MGAT4C: variants seen among roughly 807,000 people sequenced by gnomAD.
MGAT4C encodes the protein MGAT4 family member C, also known as alpha-1,3-mannosyl-glycoprotein 4-beta-N-acetylglucosaminyltransferase C.
In MGAT4C, 19 loss-of-function variants were observed where a neutral mutation model predicts 40.1. The observed-to-expected ratio is 0.47, with a 90% CI of 0.33 to 0.70. MGAT4C has a LOEUF of 0.70. MGAT4C is among the 30% of genes least tolerant of loss of function. MGAT4C has a pLI of 0.02. For synonymous variants in MGAT4C, 181 were observed against 187.1 expected, an observed-to-expected ratio of 0.97 and a Z score of 0.27; for missense variants, 491 against 563.2, an observed-to-expected ratio of 0.87 and a Z score of 1.30.
intron 4 of MGAT4C, among the ~76,000 whole-genome samples, chr12:86,281,469 A>C (rs1953217859): frequency 6.7e-6 from 1 of 150,086 alleles, no homozygotes; most frequent in African/African-American, 2.4e-5. Context: ...TGTATCTTCA[A>C]AATGTATCAT....
chr12:86,073,787 C>T (rs919493165), intron 1 of MGAT4C, among the ~76,000 whole-genome samples: 1 of 152,122 alleles, frequency 6.6e-6, no homozygotes, highest in Non-Finnish European at 1.5e-5. Flanking sequence ...ATATTACAGG[C>T]TCATAGGTGG....
intron 3 of MGAT4C, among the ~76,000 whole-genome samples, chr12:86,397,946 G>C (rs1956290101): frequency 6.6e-6 from 1 of 152,186 alleles, no homozygotes. Context: ...CTGAGTGACA[G>C]AGATGCCATT....
chr12:86,771,575 T>C (rs183588560), intron 1 of MGAT4C, among the ~76,000 whole-genome samples: 1 of 152,104 alleles, frequency 6.6e-6, no homozygotes, highest in East Asian at 1.9e-4. Context: ...AGGATGGGCA[T>C]GGTGGTTGAT....
intron 3 of MGAT4C, among the ~76,000 whole-genome samples, chr12:85,987,634 C>G (rs919892760): frequency 1.3e-5 from 2 of 152,110 alleles, no homozygotes; most frequent in Admixed American, 6.5e-5. Context: ...TAAACATTTG[C>G]AAAACAGGAA....
At chr12:86,806,715 C>T (rs954812166) in intron 1 of MGAT4C, among the ~76,000 whole-genome samples, 2 of 151,862 alleles carry the variant, frequency 1.3e-5, no homozygotes, top group Non-Finnish European at 2.9e-5. Context: ...GTCTTCCTTT[C>T]TGGAGCTGGA....
chr12:86,187,544 G>GAATGTCACAT (rs1433529766), intron 1 of MGAT4C, among the ~76,000 whole-genome samples: 1 of 147,938 alleles, frequency 6.8e-6, no homozygotes, highest in Non-Finnish European at 1.5e-5. Context: ...GCCTTTTCTA[G>GAATGTCACAT]AATGTCACAT....
chr12:86,435,428 A>G (rs1185471153), intron 2 of MGAT4C, among the ~76,000 whole-genome samples: 4 of 151,870 alleles, frequency 2.6e-5, no homozygotes, highest in Non-Finnish European at 5.9e-5. Context: ...TTCTCTGTTC[A>G]ATACTGAGAT....
At chr12:86,831,904 C>A (rs1002581225) in intron 1 of MGAT4C, among the ~76,000 whole-genome samples, 4 of 151,764 alleles carry the variant, frequency 2.6e-5, no homozygotes, top group African/African-American at 4.8e-5. Context: ...GATTATATTT[C>A]TTGTATTGTA....
intron 2 of MGAT4C, among the ~76,000 whole-genome samples, chr12:86,489,101 T>G (rs1044003018): frequency 2.0e-5 from 3 of 152,124 alleles, no homozygotes; most frequent in Non-Finnish European, 2.9e-5. Flanking sequence ...GTGCCTATCT[T>G]GTGCCTATAA....
chr12:86,744,110 C>G (rs886342700), intron 1 of MGAT4C, among the ~76,000 whole-genome samples: 4 of 151,508 alleles, frequency 2.6e-5, no homozygotes, highest in Non-Finnish European at 4.4e-5. Flanking sequence ...CGGGCTGAAG[C>G]TGGTGCTGTA....
intron 1 of MGAT4C, among the ~76,000 whole-genome samples, chr12:86,104,711 T>C (rs1054507746): frequency 6.6e-6 from 1 of 152,214 alleles, no homozygotes; most frequent in Non-Finnish European, 1.5e-5. Flanking sequence ...ATAGTATTTG[T>C]TGAATAGTTC....
At chr12:86,048,021 A>G (rs1052264148) in intron 2 of MGAT4C, among the ~76,000 whole-genome samples, 1 of 152,162 alleles carries the variant, frequency 6.6e-6, no homozygotes, top group African/African-American at 2.4e-5. Context: ...TAGAATCACA[A>G]ATAAAATAGA....
intron 1 of MGAT4C, among the ~76,000 whole-genome samples, chr12:86,815,947 A>T (rs951110298): frequency 6.6e-6 from 1 of 151,946 alleles, no homozygotes; most frequent in African/African-American, 2.4e-5. Flanking sequence ...TCACCACTAA[A>T]GAACTTACTC....
intron 2 of MGAT4C, among the ~76,000 whole-genome samples, chr12:86,602,456 C>G (rs558135033): frequency 6.6e-6 from 1 of 152,200 alleles, no homozygotes. Context: ...TATCAAAGAG[C>G]ACAATGTCAT....
intron 3 of MGAT4C, among the ~76,000 whole-genome samples, chr12:86,430,054 A>C (rs1957002974): frequency 6.6e-6 from 1 of 151,894 alleles, no homozygotes; most frequent in Non-Finnish European, 1.5e-5. Context: ...TTTTCTATGG[A>C]ATTTTTCATT....
chr12:85,992,267 T>A (rs1886040463), intron 2 of MGAT4C, among the ~76,000 whole-genome samples: 1 of 152,208 alleles, frequency 6.6e-6, no homozygotes. Context: ...CTCTATCACC[T>A]CTACTGGGTG....
Position 86,159,210 on chromosome 12 carries a change from G to C in MGAT4C, c.-57+97029C>G, listed in dbSNP as rs138023920. On this transcript the variant is annotated intron_variant, in intron 1 of 4. Transcript: ENST00000611864. ...TTATCATTTTGAGGTATGTTCCTTT[G>C]ATGCCTAGTTTCTAGAGAGTTTTTA... Among the ~76,000 whole-genome samples, 704 of 152,100 alleles carry C rather than the reference G, an allele frequency of 4.6e-3. 3 individuals carry two copies. The highest frequency in any genetic ancestry group is 0.016 in the African/African-American group (675 of 41,520).
At chr12:86,450,115 G>A (rs1306167546) in intron 2 of MGAT4C, among the ~76,000 whole-genome samples, 4 of 152,042 alleles carry the variant, frequency 2.6e-5, no homozygotes, top group East Asian at 1.9e-4. Context: ...TATGTTCAGC[G>A]TTAGTAGAAA....
intron 2 of MGAT4C, among the ~76,000 whole-genome samples, chr12:86,538,119 A>T (rs1959105630): frequency 6.6e-6 from 1 of 152,044 alleles, no homozygotes; most frequent in African/African-American, 2.4e-5. Context: ...TAAATAATAA[A>T]AAATTTATTT....
Sources: gnomAD v4.1 joint callset for allele counts (sites outside exome capture counted in the v4.1 genomes callset) on GRCh38, gnomAD v4.1.1 for gene constraint, MANE v1.5 for transcripts, NCBI Gene and HGNC (gene_info 2026-07-23, HGNC 2026-07-21) for gene names.